MMP26: variants seen among roughly 807,000 people sequenced by gnomAD.
The protein encoded by MMP26 is matrix metalloproteinase-26.
MMP26 carries 33 observed loss-of-function variants against 31.0 expected under a neutral mutation model. That is an observed-to-expected ratio of 1.06 (90% CI 0.81 to 1.42). The LOEUF is 1.42. MMP26 is among the 40% of genes most tolerant of loss of function. MMP26 has a pLI of 0.00. For missense variants in MMP26, 347 were observed against 316.1 expected (o/e 1.10, Z -0.74); for synonymous variants, 122 against 114.9 (o/e 1.06, Z -0.40).
intron 2 of MMP26, among the ~76,000 whole-genome samples, chr11:4,873,358 C>T (rs1479429372): frequency 2.6e-5 from 4 of 152,066 alleles, no homozygotes; most frequent in African/African-American, 9.7e-5. Flanking sequence ...ATCGTCTCTT[C>T]ATCTTTGGTT....
At chr11:4,722,211 A>T (rs1848022223) in intron 1 of MMP26, among the ~76,000 whole-genome samples, 1 of 152,194 alleles carries the variant, frequency 6.6e-6, no homozygotes, top group Admixed American at 6.5e-5. Flanking sequence ...GAATGGACTA[A>T]CACACCTTGT....
At chr11:4,784,779 C>T (rs931580756) in intron 2 of MMP26, among the ~76,000 whole-genome samples, 41 of 152,148 alleles carry the variant, frequency 2.7e-4, no homozygotes, top group Admixed American at 9.2e-4. Flanking sequence ...GGGAAGCTAA[C>T]ATAGGCACAT....
intron 2 of MMP26, among the ~76,000 whole-genome samples, chr11:4,781,306 G>C (rs866982555): frequency 1.4e-5 from 1 of 71,784 alleles, no homozygotes; most frequent in Non-Finnish European, 2.7e-5. Context: ...ACTGATTGCA[G>C]GGAGGCCGAG....
At chr11:4,923,244 A>T (rs888770098) in intron 2 of MMP26, 11 of 797,148 alleles carry the variant, frequency 1.4e-5, no homozygotes, top group Non-Finnish European at 1.9e-5. Flanking sequence ...TCCTGGTCAC[A>T]CTGCCTTATG....
chr11:4,923,693 A>G, intron 2 of MMP26: 1 of 1,614,130 alleles, frequency 6.2e-7, no homozygotes, highest in Non-Finnish European at 8.5e-7. Context: ...TGAGAGAAAG[A>G]TGAGCAGGGA....
At chr11:4,714,920 T>TCTCACA (rs376354906) in intron 1 of MMP26, among the ~76,000 whole-genome samples, 70 of 141,782 alleles carry the variant, frequency 4.9e-4, no homozygotes, top group African/African-American at 1.2e-3. Context: ...TCTCTCTCTC[T>TCTCACA]CACACACACA....
intron 1 of MMP26, 28 bp from the exon 2 acceptor site, chr11:4,767,242 A>G (rs1024575578): frequency 6.6e-6 from 1 of 152,208 alleles, no homozygotes; most frequent in Non-Finnish European, 1.5e-5. Flanking sequence ...TAAAATTGTC[A>G]TATAATATTT....
At position 4,848,494 on chromosome 11, in the gene MMP26, C is replaced by T. The variant is rs1174110268; in HGVS notation, c.-145+81153C>T. The stretch of plus-strand genomic sequence containing the variant: ...GTTTGACCAGCCTTCCAGCGATCCT[C>T]TCTGGACTCCACACCTTGCAACACC... On this transcript the variant is annotated intron_variant, in intron 2 of 7. Transcript: ENST00000380390. 5 of 1,613,584 alleles carry T rather than the reference C, an allele frequency of 3.1e-6. No individual in the cohort carries two copies. In the East Asian group the frequency reaches 8.9e-5, roughly 29 times the overall value.
At chr11:4,904,410 A>T (rs961772197) in intron 2 of MMP26, among the ~76,000 whole-genome samples, 1 of 152,078 alleles carries the variant, frequency 6.6e-6, no homozygotes, top group African/African-American at 2.4e-5. Flanking sequence ...TCCTTGAAAC[A>T]TTCTCTTCTT....
At chr11:4,923,711 C>T (rs776374475) in intron 2 of MMP26, 12 of 1,614,008 alleles carry the variant, frequency 7.4e-6, no homozygotes, top group South Asian at 1.1e-5. Flanking sequence ...GGAGTCCACA[C>T]CCACGGTGCA....
intron 1 of MMP26, chr11:4,710,138 A>T (rs1204723714): frequency 2.2e-6 from 1 of 456,654 alleles, no homozygotes; most frequent in Admixed American, 2.3e-5. Context: ...TGAAGCTCTC[A>T]TGCACAGACA....
intron 1 of MMP26, among the ~76,000 whole-genome samples, chr11:4,747,224 G>T (rs1173363665): frequency 1.3e-5 from 2 of 152,146 alleles, no homozygotes; most frequent in Admixed American, 1.3e-4. Context: ...AGCCAGTAGG[G>T]TTTGAAACCA....
intron 2 of MMP26, among the ~76,000 whole-genome samples, chr11:4,960,659 A>ATATCAAAG (rs1846508572): frequency 6.6e-6 from 1 of 151,958 alleles, no homozygotes; most frequent in Non-Finnish European, 1.5e-5. Flanking sequence ...AAATATCAAA[A>ATATCAAAG]TCTCCAAAGT....
chr11:4,894,081 A>C (rs1825917391), intron 2 of MMP26, among the ~76,000 whole-genome samples: 1 of 152,210 alleles, frequency 6.6e-6, no homozygotes, highest in Non-Finnish European at 1.5e-5. Context: ...TACAAAATTA[A>C]TTAAGTGCTT....
Position 4,872,714 on chromosome 11 carries a change from A to G in MMP26, c.-145+105373A>G, listed in dbSNP as rs115482743. Among the ~76,000 whole-genome samples the G allele has an allele frequency of 8.6e-3, 1,307 of 152,052 alleles. 24 individuals are homozygous for G. The highest frequency in any genetic ancestry group is 0.029 in the African/African-American group (1,210 of 41,496). ...CCATCTTCTGCCTGGGTGGAAGAGT[A>G]TGGAAGTGAAGTTCAATACTACATA... On this transcript the variant is annotated intron_variant, in intron 2 of 7. Transcript: ENST00000380390.
chr11:4,923,264 C>T (rs1851210033), intron 2 of MMP26: 3 of 1,091,016 alleles, frequency 2.7e-6, no homozygotes, highest in African/African-American at 1.6e-5. Flanking sequence ...GTTGCACAGC[C>T]AATTGCCTTT....
rs147668701 is a variant in MMP26, at chr11:4,879,850, A to T, written c.-144-108218A>T. ...ACCTCTTAGGAAGAGGATATATTGA[A>T]AACAGAGAACAATGGGATGACTCTT... On this transcript the variant is annotated intron_variant, in intron 2 of 7. Coordinates refer to ENST00000380390, the MANE Select transcript of MMP26 (RefSeq NM_021801.5). Among the ~76,000 whole-genome samples the T allele has an allele frequency of 4.7e-3, 721 of 152,214 alleles. 7 individuals are homozygous for T. The highest frequency in any genetic ancestry group is 0.015 in the African/African-American group (614 of 41,546).
chr11:4,794,179 T>C (rs959314338), intron 2 of MMP26: 1 of 152,156 alleles, frequency 6.6e-6, no homozygotes, highest in African/African-American at 2.4e-5. Flanking sequence ...TCATAGTAGG[T>C]CTAGGGCAAG....
chr11:4,880,714 T>C (rs1255691596), intron 2 of MMP26, among the ~76,000 whole-genome samples: 1 of 152,144 alleles, frequency 6.6e-6, no homozygotes, highest in African/African-American at 2.4e-5. Context: ...ATATCAGTTG[T>C]GCCTCATTAT....
Sources: gnomAD v4.1 joint callset for allele counts (sites outside exome capture counted in the v4.1 genomes callset) on GRCh38, gnomAD v4.1.1 for gene constraint, MANE v1.5 for transcripts, NCBI Gene and HGNC (gene_info 2026-07-23, HGNC 2026-07-21) for gene names.